Variants in ILRUN observed in about 807,000 individuals in gnomAD.
ILRUN encodes the protein inflammation and lipid regulator with UBA-like and NBR1-like domains, also known as protein ILRUN.
In ILRUN, 3 loss-of-function variants were observed where a neutral mutation model predicts 33.8. The observed-to-expected ratio is 0.09, with a 90% CI of 0.04 to 0.23. The LOEUF (loss-of-function observed/expected upper bound fraction) is 0.23, where lower values mean the gene tolerates loss of function less well. Ranked by LOEUF, ILRUN falls within the 10% of genes least tolerant of loss-of-function variation. The pLI, the probability that ILRUN is intolerant of heterozygous loss-of-function variation, is 1.00. For synonymous variants in ILRUN, 124 were observed against 138.9 expected, an observed-to-expected ratio of 0.89 and a Z score of 0.75; for missense variants, 210 against 375.1, an observed-to-expected ratio of 0.56 and a Z score of 3.64.
intron 3 of ILRUN, among the ~76,000 whole-genome samples, chr6:34,620,911 T>C (rs192619304): frequency 2.6e-5 from 4 of 152,354 alleles, no homozygotes; most frequent in East Asian, 1.9e-4. Context: ...AACTTGTTAA[T>C]GGACACCATC....
intron 1 of ILRUN, among the ~76,000 whole-genome samples, chr6:34,660,898 C>A (rs1762873554): frequency 6.6e-6 from 1 of 152,138 alleles, no homozygotes; most frequent in Admixed American, 6.6e-5. Context: ...ATACTGTCAA[C>A]CTAAAAATGT....
At chr6:34,655,031 T>A (rs964020993) in intron 1 of ILRUN, among the ~76,000 whole-genome samples, 1 of 151,994 alleles carries the variant, frequency 6.6e-6, no homozygotes, top group Non-Finnish European at 1.5e-5. Flanking sequence ...TATGAGGAAA[T>A]CTCCCTTATT....
intron 1 of ILRUN, among the ~76,000 whole-genome samples, chr6:34,669,549 G>C (rs985340419): frequency 1.3e-5 from 2 of 152,102 alleles, no homozygotes; most frequent in East Asian, 3.9e-4. Context: ...TTGTACATTG[G>C]TCTCCAGAAC....
chr6:34,689,182 A>G (rs1763594469), intron 1 of ILRUN, among the ~76,000 whole-genome samples: 1 of 152,044 alleles, frequency 6.6e-6, no homozygotes, highest in African/African-American at 2.4e-5. Flanking sequence ...TAAAACAGTT[A>G]ATTTTGCCAG....
chr6:34,596,273 A>T (rs1003708948), intron 4 of ILRUN, among the ~76,000 whole-genome samples: 2 of 152,162 alleles, frequency 1.3e-5, no homozygotes, highest in African/African-American at 4.8e-5. Context: ...CTGTAAGATG[A>T]TTTAACATTG....
At chr6:34,598,919 C>T (rs1761454818) in intron 4 of ILRUN, among the ~76,000 whole-genome samples, 1 of 152,150 alleles carries the variant, frequency 6.6e-6, no homozygotes, top group Non-Finnish European at 1.5e-5. Context: ...CTGGCAAGTC[C>T]CTTCTGGTAC....
intron 1 of ILRUN, among the ~76,000 whole-genome samples, chr6:34,684,309 C>G (rs1034441826): frequency 2.9e-4 from 44 of 152,176 alleles, no homozygotes; most frequent in African/African-American, 1.0e-3. Flanking sequence ...TTAAACTATT[C>G]TAAACTATTT....
At chr6:34,683,461 TAC>T (rs1554189844) in intron 1 of ILRUN, among the ~76,000 whole-genome samples, 1,316 of 114,228 alleles carry the variant, frequency 0.012, 27 homozygotes, top group African/African-American at 0.035. Context: ...TACATATATA[TAC>T]ATATATATAC....
At chr6:34,664,535 T>C (rs1762956622) in intron 1 of ILRUN, among the ~76,000 whole-genome samples, 1 of 152,198 alleles carries the variant, frequency 6.6e-6, no homozygotes, top group Non-Finnish European at 1.5e-5. Flanking sequence ...AAGAACTCAA[T>C]TTGCCATCAA....
intron 2 of ILRUN, among the ~76,000 whole-genome samples, chr6:34,648,697 T>C (rs1172148188): frequency 1.3e-5 from 2 of 152,150 alleles, no homozygotes; most frequent in Non-Finnish European, 2.9e-5. Context: ...GTCAGTCTCC[T>C]TAAAGACCAA....
chr6:34,686,366 G>A (rs1349407498), intron 1 of ILRUN, among the ~76,000 whole-genome samples: 3 of 151,732 alleles, frequency 2.0e-5, no homozygotes, highest in Non-Finnish European at 4.4e-5. Flanking sequence ...CGGGCGTGGT[G>A]GCGGGCGCCT....
Position 34,636,997 on chromosome 6 carries a change from T to A in ILRUN, c.511+9604A>T, listed in dbSNP as rs572517446. On this transcript the variant is annotated intron_variant, in intron 3 of 4. Transcript: ENST00000374023. ...TTAAGTATCACCTTTTTATTCATTT[T>A]TAATATCTCTGAAATGAAGATGGAC... Among the ~76,000 whole-genome samples, 3 of 152,312 alleles carry A rather than the reference T, an allele frequency of 2.0e-5. No homozygotes were observed. In the South Asian group the frequency reaches 6.2e-4, roughly 32 times the overall value.
At chr6:34,599,828 T>G (rs553693677) in intron 4 of ILRUN, among the ~76,000 whole-genome samples, 3 of 152,358 alleles carry the variant, frequency 2.0e-5, no homozygotes, top group African/African-American at 7.2e-5. Context: ...TCTCCCCACT[T>G]CTACTGCATC....
At chr6:34,682,906 A>C (rs1763399701) in intron 1 of ILRUN, among the ~76,000 whole-genome samples, 1 of 151,994 alleles carries the variant, frequency 6.6e-6, no homozygotes, top group African/African-American at 2.4e-5. Context: ...TCTGATGTGA[A>C]AAAAAATAAA....
intron 2 of ILRUN, among the ~76,000 whole-genome samples, chr6:34,648,237 T>C (rs960916338): frequency 2.6e-5 from 4 of 152,194 alleles, no homozygotes; most frequent in Non-Finnish European, 4.4e-5. Context: ...CTGTGAAAAC[T>C]TGAACATGGC....
chr6:34,614,428 T>TAAAAAAAAAA (rs1457803034), intron 3 of ILRUN, among the ~76,000 whole-genome samples: 1 of 109,054 alleles, frequency 9.2e-6, no homozygotes, highest in African/African-American at 4.4e-5. Context: ...TCTCAAAAAA[T>TAAAAAAAAAA]AATAAAAAAA....
At chr6:34,641,531 T>C (rs1762475840) in intron 3 of ILRUN, among the ~76,000 whole-genome samples, 1 of 152,170 alleles carries the variant, frequency 6.6e-6, no homozygotes, top group Admixed American at 6.5e-5. Context: ...CTGGAAAACA[T>C]AAGCCAAGGA....
chr6:34,637,864 C>CTGTTGTTGT (rs57559266), intron 3 of ILRUN, among the ~76,000 whole-genome samples: 1,878 of 141,990 alleles, frequency 0.013, 17 homozygotes, highest in East Asian at 0.023. Context: ...GCTGCTGCTG[C>CTGTTGTTGT]TGTTGTTGTT....
chr6:34,605,122 C>T (rs568880022), intron 4 of ILRUN, among the ~76,000 whole-genome samples: 101 of 152,152 alleles, frequency 6.6e-4, no homozygotes, highest in Admixed American at 1.8e-3. Flanking sequence ...GCATGACCAA[C>T]GTGGTGAAAC....
Sources: gnomAD v4.1 joint callset for allele counts (sites outside exome capture counted in the v4.1 genomes callset) on GRCh38, gnomAD v4.1.1 for gene constraint, MANE v1.5 for transcripts, NCBI Gene and HGNC (gene_info 2026-07-23, HGNC 2026-07-21) for gene names.